The following PHACTR4 variants were observed in gnomAD, a reference collection of about 807,000 sequenced individuals.
PHACTR4 encodes the protein phosphatase and actin regulator 4.
Under a neutral mutation model 72.7 loss-of-function variants are expected in PHACTR4, and 51 were observed. The ratio of observed to expected loss-of-function variants is 0.70; its 90% CI spans 0.56 to 0.89. The LOEUF (loss-of-function observed/expected upper bound fraction) is 0.89. Ranked by LOEUF, PHACTR4 falls within the 40% of genes least tolerant of loss-of-function variation. The pLI is 0.00. For synonymous variants in PHACTR4, 255 were observed against 302.5 expected (o/e 0.84, Z 1.63); for missense variants, 731 against 861.8 (o/e 0.85, Z 1.90).
intron 2 of PHACTR4, among the ~76,000 whole-genome samples, chr1:28,445,370 T>C (rs1657383136): frequency 6.6e-6 from 1 of 152,198 alleles, no homozygotes; most frequent in African/African-American, 2.4e-5. Context: ...ATTACAAACA[T>C]AAGTCACTGC....
At chr1:28,477,654 G>A (rs552408124) in intron 8 of PHACTR4, among the ~76,000 whole-genome samples, 3 of 151,938 alleles carry the variant, frequency 2.0e-5, no homozygotes, top group African/African-American at 7.2e-5. Context: ...ATGAATTATT[G>A]TTAACTATAG....
intron 13 of PHACTR4, among the ~76,000 whole-genome samples, chr1:28,496,223 AT>A (rs1396257557): frequency 2.0e-5 from 3 of 151,550 alleles, no homozygotes; most frequent in Admixed American, 6.6e-5. Context: ...CGCCCAGCTA[AT>A]TTTTTGTATT....
chr1:28,398,860 A>G (rs780717810), intron 1 of PHACTR4, among the ~76,000 whole-genome samples: 17 of 151,912 alleles, frequency 1.1e-4, no homozygotes, highest in Non-Finnish European at 2.5e-4. Flanking sequence ...ACTGATATTC[A>G]AAAAGAAGCA....
intron 1 of PHACTR4, among the ~76,000 whole-genome samples, chr1:28,385,081 G>A (rs1426039755): frequency 6.6e-6 from 1 of 151,992 alleles, no homozygotes; most frequent in Non-Finnish European, 1.5e-5. Flanking sequence ...TGTAATGTTA[G>A]GTTGTTAAAT....
chr1:28,490,882 T>G (rs770763529), intron 10 of PHACTR4, 69 bp from the exon 11 acceptor site: 2 of 1,433,192 alleles, frequency 1.4e-6, no homozygotes, highest in Non-Finnish European at 2.0e-6. Flanking sequence ...GTAATGTAAT[T>G]ACTAAAACGT....
intron 1 of PHACTR4, among the ~76,000 whole-genome samples, chr1:28,380,638 T>C (rs1652094348): frequency 6.6e-6 from 1 of 152,216 alleles, no homozygotes; most frequent in Non-Finnish European, 1.5e-5. Flanking sequence ...GATAATGGCC[T>C]CCAGCTCCAC....
intron 1 of PHACTR4, among the ~76,000 whole-genome samples, chr1:28,376,724 C>T (rs1238050866): frequency 6.6e-6 from 1 of 151,914 alleles, no homozygotes; most frequent in African/African-American, 2.4e-5. Context: ...GCAAGCTCCA[C>T]CTCCCGGGTT....
chr1:28,493,493 A>G (rs1471681682), intron 13 of PHACTR4, among the ~76,000 whole-genome samples: 1 of 151,550 alleles, frequency 6.6e-6, no homozygotes, highest in Non-Finnish European at 1.5e-5. Flanking sequence ...AGCTGAGATC[A>G]TGCCATTGCA....
chr1:28,489,247 A>G (rs1471999168), intron 10 of PHACTR4, 22 bp downstream of exon 10: 5 of 1,589,924 alleles, frequency 3.1e-6, no homozygotes, highest in Admixed American at 1.7e-5. Flanking sequence ...TATGGAAATA[A>G]AGTTGTATAG....
chr1:28,421,073 G>T (rs191897816), intron 2 of PHACTR4, among the ~76,000 whole-genome samples: 23 of 152,216 alleles, frequency 1.5e-4, no homozygotes, highest in African/African-American at 5.1e-4. Context: ...GTCAGTTTTT[G>T]TACCAGTTCT....
At chr1:28,454,270 C>CTTTT (rs945039969) in intron 2 of PHACTR4, among the ~76,000 whole-genome samples, 47 of 95,076 alleles carry the variant, frequency 4.9e-4, no homozygotes, top group East Asian at 6.5e-4. Context: ...ATCACTTTGT[C>CTTTT]TTTTTTTTTT....
chr1:28,412,212 A>G (rs1365996281), intron 2 of PHACTR4, among the ~76,000 whole-genome samples: 2 of 152,222 alleles, frequency 1.3e-5, no homozygotes, highest in Non-Finnish European at 2.9e-5. Flanking sequence ...AAATACTGTT[A>G]ATTTTCTTTA....
At chr1:28,477,104 T>A (rs1659975893) in intron 8 of PHACTR4, among the ~76,000 whole-genome samples, 2 of 148,802 alleles carry the variant, frequency 1.3e-5, no homozygotes, top group South Asian at 4.2e-4. Context: ...TTTTTTTTTT[T>A]AGACAGAGTC....
intron 2 of PHACTR4, among the ~76,000 whole-genome samples, chr1:28,447,355 T>C (rs987915876): frequency 6.6e-6 from 1 of 151,684 alleles, no homozygotes; most frequent in East Asian, 1.9e-4. Flanking sequence ...CTAATAGACC[T>C]ATTATCACAA....
intron 1 of PHACTR4, among the ~76,000 whole-genome samples, chr1:28,371,039 C>T (rs1651207343): frequency 6.6e-6 from 1 of 152,196 alleles, no homozygotes; most frequent in African/African-American, 2.4e-5. Flanking sequence ...TCAAATTTGG[C>T]TAGATAATGG....
rs1414224976 is a variant in PHACTR4 at position 28,440,391 on chromosome 1, A to ATT, written c.17-18693_17-18692dup. Among the ~76,000 whole-genome samples, 18 of 89,992 alleles carry ATT rather than the reference A, an allele frequency of 2.0e-4. 3 individuals are homozygous for ATT. The highest frequency in any genetic ancestry group is 7.5e-4 in the African/African-American group (15 of 19,908). The allele number at this position is 89,992 out of a possible 152,430, so 59.0% of individuals were successfully genotyped here. On this transcript the variant is annotated intron_variant, in intron 2 of 13. Coordinates refer to ENST00000373839, the MANE Select transcript of PHACTR4 (RefSeq NM_001048183.3). ...AAAAAAGTAAGAATCAAATTCATCA[A>ATT]TTCTTTTTTTTTTTTTTTTTTTGAG...
chr1:28,473,157 T>G (rs1260134863), intron 6 of PHACTR4, among the ~76,000 whole-genome samples: 1 of 151,442 alleles, frequency 6.6e-6, no homozygotes, highest in Non-Finnish European at 1.5e-5. Context: ...GCGCCTGTAA[T>G]CTCAGCTACT....
chr1:28,453,678 C>T (rs1425124283), intron 2 of PHACTR4: 3 of 1,278,514 alleles, frequency 2.3e-6, no homozygotes, highest in Middle Eastern at 2.8e-4. Context: ...GAAAGATGGA[C>T]CCGTCCTGGT....
Position 28,421,385 on chromosome 1 carries a change from G to GTT in PHACTR4, c.16+13928_16+13929dup, listed in dbSNP as rs1451593465. ...TCTAATCCTCGTTGAAGATTCGTGG[G>GTT]TTTTTTTGTTTTTTTTTTTTTGATT... is the stretch of plus-strand genomic sequence containing the variant. On this transcript the variant is annotated intron_variant, in intron 2 of 13. Coordinates refer to ENST00000373839, the MANE Select transcript of PHACTR4 (RefSeq NM_001048183.3). Among the ~76,000 whole-genome samples the GTT allele has an allele frequency of 1.2e-4, 18 of 149,612 alleles. 1 individual carries two copies. Among genetic ancestry groups the GTT allele is most frequent in the African/African-American group, 4.2e-4 (17 of 40,852 alleles).
Sources: gnomAD v4.1 joint callset for allele counts (sites outside exome capture counted in the v4.1 genomes callset) on GRCh38, gnomAD v4.1.1 for gene constraint, MANE v1.5 for transcripts, NCBI Gene and HGNC (gene_info 2026-07-23, HGNC 2026-07-21) for gene names.